The following PRDM16 variants were observed in gnomAD, a reference collection of about 807,000 sequenced individuals.
The protein encoded by PRDM16 is PR/SET domain 16, also known as histone-lysine N-methyltransferase PRDM16.
In PRDM16, 23 loss-of-function variants were observed where a neutral mutation model predicts 110.6. The observed-to-expected ratio is 0.21, with a 90% CI of 0.15 to 0.29. PRDM16 has a LOEUF of 0.29. Ranked by LOEUF, PRDM16 falls within the 10% of genes least tolerant of loss-of-function variation. PRDM16 has a pLI of 1.00. For missense variants in PRDM16, 1,615 were observed against 1,794.3 expected, an observed-to-expected ratio of 0.90 and a Z score of 1.81; for synonymous variants, 799 against 781.8, an observed-to-expected ratio of 1.02 and a Z score of -0.37.
At chr1:3,224,644 C>G (rs974693476) in intron 2 of PRDM16, among the ~76,000 whole-genome samples, 3 of 152,232 alleles carry the variant, frequency 2.0e-5, no homozygotes, top group African/African-American at 7.2e-5. Flanking sequence ...GAACTGTGTT[C>G]CCCTCTGGCC....
chr1:3,110,381 C>G (rs994222801), intron 1 of PRDM16, among the ~76,000 whole-genome samples: 11 of 149,834 alleles, frequency 7.3e-5, no homozygotes, highest in Admixed American at 7.3e-4. Flanking sequence ...GTCTGCGGCT[C>G]CCCCATGTCC....
Position 3,201,794 on chromosome 1 carries a change from CTG to C in PRDM16, c.387+15322_387+15323del, listed in dbSNP as rs1375577353. Among the ~76,000 whole-genome samples, 2 of 152,358 alleles carry C rather than the reference CTG, an allele frequency of 1.3e-5. No homozygotes were observed. Among genetic ancestry groups the C allele is most frequent in the East Asian group, 3.9e-4 (2 of 5,176 alleles). ...ACGCGAGCCCTCTCCCACCTGGCCT[CTG>C]TTTCTACCTCGGGTTGGTGTCTCCC... is the stretch of plus-strand genomic sequence containing the variant. On this transcript the variant is annotated intron_variant, in intron 2 of 16. Coordinates refer to ENST00000270722, the MANE Select transcript of PRDM16 (RefSeq NM_022114.4). This position sits in a 1 kb window ranked among gnomAD's most constrained non-coding sequence, Gnocchi z 4.1.
intron 3 of PRDM16, among the ~76,000 whole-genome samples, chr1:3,260,860 A>G (rs1022152659): frequency 5.4e-5 from 8 of 148,102 alleles, no homozygotes; most frequent in African/African-American, 1.8e-4. Flanking sequence ...CCATCTAGAC[A>G]CAGTCATTAC....
At chr1:3,411,106 G>A (rs776327217) in intron 8 of PRDM16, among the ~76,000 whole-genome samples, 5 of 152,090 alleles carry the variant, frequency 3.3e-5, no homozygotes, top group African/African-American at 4.8e-5. Context: ...ACTCAGACAC[G>A]CACGCTTGCA....
chr1:3,391,809 G>A (rs1449921832), intron 4 of PRDM16, among the ~76,000 whole-genome samples: 2 of 152,248 alleles, frequency 1.3e-5, no homozygotes, highest in East Asian at 3.9e-4. Context: ...GCCGGAAATT[G>A]AGGCCGGCCA....
intron 3 of PRDM16, among the ~76,000 whole-genome samples, chr1:3,314,023 T>A (rs1641532584): frequency 6.9e-6 from 1 of 145,250 alleles, no homozygotes; most frequent in South Asian, 2.1e-4. Context: ...CCCCAAGGAA[T>A]AAGGTCCAGG....
chr1:3,078,749 G>A (rs967187786), intron 1 of PRDM16, among the ~76,000 whole-genome samples: 7 of 152,254 alleles, frequency 4.6e-5, no homozygotes, highest in African/African-American at 1.7e-4. Flanking sequence ...GGCTCTGAAT[G>A]TGACTGGGAG....
At chr1:3,368,351 G>C (rs1250504006) in intron 3 of PRDM16, among the ~76,000 whole-genome samples, 1 of 152,220 alleles carries the variant, frequency 6.6e-6, no homozygotes, top group Non-Finnish European at 1.5e-5. Context: ...AGAGTGCTAT[G>C]ATTGAGCCCT....
At chr1:3,196,351 G>A (rs947705284) in intron 2 of PRDM16, among the ~76,000 whole-genome samples, 1 of 152,262 alleles carries the variant, frequency 6.6e-6, no homozygotes. Flanking sequence ...CACTACAGCC[G>A]ATGGCCCTCT....
chr1:3,389,745 C>T (rs74711221), intron 4 of PRDM16, among the ~76,000 whole-genome samples: 1,736 of 152,364 alleles, frequency 0.011, 26 homozygotes, highest in Non-Finnish European at 0.013. Flanking sequence ...CTCTGGGGAG[C>T]TGCTGGGAGC....
At chr1:3,174,482 G>C (rs1644063180) in intron 1 of PRDM16, among the ~76,000 whole-genome samples, 1 of 152,014 alleles carries the variant, frequency 6.6e-6, no homozygotes, top group African/African-American at 2.4e-5. Context: ...CAGAAGGGCA[G>C]GGTCTGTGCT....
intron 3 of PRDM16, among the ~76,000 whole-genome samples, chr1:3,278,175 T>G (rs1417380042): frequency 6.6e-6 from 1 of 152,200 alleles, no homozygotes; most frequent in Non-Finnish European, 1.5e-5. Flanking sequence ...CTTACCGTCC[T>G]CGCCTGGTTT....
At chr1:3,090,572 G>T (rs1316212378) in intron 1 of PRDM16, among the ~76,000 whole-genome samples, 1 of 152,228 alleles carries the variant, frequency 6.6e-6, no homozygotes, top group Non-Finnish European at 1.5e-5. Flanking sequence ...CCAGGTGTGG[G>T]TCCCTGCTAA....
At chr1:3,200,961 G>A (rs910437320) in intron 2 of PRDM16, among the ~76,000 whole-genome samples, 1 of 147,582 alleles carries the variant, frequency 6.8e-6, no homozygotes, top group Non-Finnish European at 1.5e-5. Flanking sequence ...AGAGAGAAGA[G>A]GGAGAAGAGG....
At chr1:3,328,787 A>G (rs547016250) in intron 3 of PRDM16, among the ~76,000 whole-genome samples, 3 of 152,276 alleles carry the variant, frequency 2.0e-5, no homozygotes, top group Non-Finnish European at 4.4e-5. Flanking sequence ...ATCTGCAGCC[A>G]GGTGGGGGCT....
At chr1:3,332,170 C>T (rs1256741352) in intron 3 of PRDM16, among the ~76,000 whole-genome samples, 1 of 152,280 alleles carries the variant, frequency 6.6e-6, no homozygotes, top group Admixed American at 6.5e-5. Flanking sequence ...ACAATGCGCT[C>T]ACCTCTTTCC....
intron 1 of PRDM16, among the ~76,000 whole-genome samples, chr1:3,139,216 C>T (rs1157197712): frequency 6.6e-6 from 1 of 152,206 alleles, no homozygotes; most frequent in Admixed American, 6.5e-5. Context: ...CACTTGGTGC[C>T]ACCGGGCCTC....
chr1:3,330,806 C>T (rs916766849), intron 3 of PRDM16, among the ~76,000 whole-genome samples: 23 of 152,206 alleles, frequency 1.5e-4, no homozygotes, highest in African/African-American at 4.8e-4. Context: ...GATCTCTGGC[C>T]GAGTGGAGGT....
intron 1 of PRDM16, among the ~76,000 whole-genome samples, chr1:3,184,832 G>A (rs577519733): frequency 3.9e-4 from 60 of 152,276 alleles, no homozygotes; most frequent in African/African-American, 1.2e-3. Flanking sequence ...TTCCTATGCC[G>A]AGTGGTGCAT....
Sources: allele counts gnomAD v4.1 joint callset (sites outside exome capture counted in the v4.1 genomes callset), GRCh38; gene constraint gnomAD v4.1.1; non-coding constraint Gnocchi (gnomAD v3.1); transcripts MANE v1.5; gene names NCBI Gene and HGNC (gene_info 2026-07-23, HGNC 2026-07-21).